Variants in FSTL4 observed in about 807,000 individuals in gnomAD.
FSTL4 encodes follistatin like 4, also known as follistatin-related protein 4.
FSTL4 carries 28 observed loss-of-function variants against 78.2 expected under a neutral mutation model. The observed-to-expected ratio is 0.36, with a 90% CI of 0.27 to 0.49. FSTL4 has a LOEUF of 0.49. Among genes scored for constraint, FSTL4 ranks in the 20% least tolerant of loss-of-function variants. The pLI is 0.98. For synonymous variants in FSTL4, 422 were observed against 440.5 expected (o/e 0.96, Z 0.53); for missense variants, 922 against 1,084.9 (o/e 0.85, Z 2.11).
At chr5:133,263,696 T>C (rs1306224630) in intron 6 of FSTL4, among the ~76,000 whole-genome samples, 1 of 152,000 alleles carries the variant, frequency 6.6e-6, no homozygotes, top group Non-Finnish European at 1.5e-5. Flanking sequence ...AGCAGAGAAA[T>C]GGGATGGTAG....
intron 6 of FSTL4, among the ~76,000 whole-genome samples, chr5:133,285,914 CT>C (rs1032175380): frequency 1.3e-5 from 2 of 152,248 alleles, no homozygotes; most frequent in African/African-American, 2.4e-5. Context: ...GGGTTGACCA[CT>C]TGCCCAGAGC....
intron 3 of FSTL4, among the ~76,000 whole-genome samples, chr5:133,514,892 T>C (rs1021187978): frequency 1.2e-4 from 19 of 152,222 alleles, no homozygotes; most frequent in African/African-American, 1.9e-4. Context: ...TTAGGAAGTA[T>C]AATAAGGAAG....
chr5:133,830,243 C>T, the FSTL4 span, among the ~76,000 whole-genome samples: 66,018 of 152,094 alleles, frequency 0.43, 14,638 homozygotes, highest in Non-Finnish European at 0.5. Context: ...TCTGGAGCTG[C>T]CTCAGTGATG....
chr5:133,274,523 C>T (rs1752837067), intron 6 of FSTL4, among the ~76,000 whole-genome samples: 1 of 151,916 alleles, frequency 6.6e-6, no homozygotes, highest in Admixed American at 6.6e-5. Context: ...TAAGAGGTTT[C>T]AAGAAGACAG....
At chr5:133,569,984 C>T (rs1403344392) in intron 2 of FSTL4, among the ~76,000 whole-genome samples, 2 of 151,786 alleles carry the variant, frequency 1.3e-5, no homozygotes, top group South Asian at 2.1e-4. Flanking sequence ...CTGAGGCGGG[C>T]GGATCATGAG....
the FSTL4 span, among the ~76,000 whole-genome samples, chr5:133,781,043 G>A: frequency 4.6e-5 from 7 of 152,254 alleles, no homozygotes; most frequent in South Asian, 2.1e-4. Context: ...GTGACTTTAC[G>A]GGCAGCATGC....
chr5:133,220,940 CA>C, intron 11 of FSTL4, 74 bp from the exon 12 acceptor site: 1 of 875,860 alleles, frequency 1.1e-6, no homozygotes, highest in Non-Finnish European at 2.0e-6. Context: ...CAGCATTGAA[CA>C]CACAAGAAAC....
intron 3 of FSTL4, among the ~76,000 whole-genome samples, chr5:133,531,738 T>C (rs1759258064): frequency 6.6e-6 from 1 of 152,208 alleles, no homozygotes; most frequent in African/African-American, 2.4e-5. Context: ...ACAGGTTTGG[T>C]GATAGGGCGG....
chr5:133,567,567 C>T (rs994233170), intron 2 of FSTL4, among the ~76,000 whole-genome samples: 8 of 152,196 alleles, frequency 5.3e-5, no homozygotes, highest in Admixed American at 2.0e-4. Context: ...ACTGTAGGTG[C>T]TTTTAGGGAC....
the FSTL4 span, among the ~76,000 whole-genome samples, chr5:133,672,909 C>T: frequency 0.068 from 10,421 of 152,230 alleles, 536 homozygotes; most frequent in African/African-American, 0.15. Flanking sequence ...GTGCCCAAGA[C>T]GGTCAGGGCA....
intron 2 of FSTL4, among the ~76,000 whole-genome samples, chr5:133,578,835 G>A (rs772569910): frequency 3.9e-5 from 6 of 152,030 alleles, no homozygotes; most frequent in African/African-American, 1.2e-4. Context: ...AAACATAATC[G>A]CCTGCACACA....
intron 2 of FSTL4, among the ~76,000 whole-genome samples, chr5:133,572,001 C>T (rs1760165752): frequency 6.6e-6 from 1 of 152,286 alleles, no homozygotes; most frequent in East Asian, 1.9e-4. Context: ...CTTGTTGATA[C>T]TTTTCCAAAA....
the FSTL4 span, among the ~76,000 whole-genome samples, chr5:133,765,566 G>T: frequency 0.2 from 29,973 of 152,208 alleles, 3,235 homozygotes; most frequent in East Asian, 0.41. Flanking sequence ...GAGCCCAGGG[G>T]ATCAGCAATG....
the FSTL4 span, among the ~76,000 whole-genome samples, chr5:133,638,767 G>C: frequency 6.6e-6 from 1 of 151,466 alleles, no homozygotes; most frequent in African/African-American, 2.4e-5. Flanking sequence ...TAAGCTCCAC[G>C]AGGGCTGGAC....
chr5:133,762,246 C>A, the FSTL4 span, among the ~76,000 whole-genome samples: 1 of 152,152 alleles, frequency 6.6e-6, no homozygotes, highest in Non-Finnish European at 1.5e-5. Context: ...GCCTCTAGAC[C>A]TGAGCACCCC....
the FSTL4 span, among the ~76,000 whole-genome samples, chr5:133,749,483 C>T: frequency 1.3e-5 from 2 of 152,230 alleles, no homozygotes; most frequent in African/African-American, 4.8e-5. Flanking sequence ...TTTGCTCCCG[C>T]AGCTGAACCC....
chr5:133,395,028 C>A (rs1755971963), intron 4 of FSTL4, among the ~76,000 whole-genome samples: 1 of 152,108 alleles, frequency 6.6e-6, no homozygotes, highest in Non-Finnish European at 1.5e-5. Context: ...ATTGTAAACA[C>A]ACCAATCAGC....
intron 3 of FSTL4, among the ~76,000 whole-genome samples, chr5:133,464,663 A>T (rs961737050): frequency 5.9e-5 from 9 of 152,178 alleles, no homozygotes; most frequent in African/African-American, 1.9e-4. Flanking sequence ...GGAGGGAGAA[A>T]GCTGCTGCAA....
chr5:133,580,533 T>C (rs1278160086), intron 2 of FSTL4, among the ~76,000 whole-genome samples: 1 of 152,142 alleles, frequency 6.6e-6, no homozygotes, highest in Non-Finnish European at 1.5e-5. Flanking sequence ...AGAGAATATC[T>C]CATGCTAAGA....
Sources: allele counts gnomAD v4.1 joint callset (sites outside exome capture counted in the v4.1 genomes callset), GRCh38; gene constraint gnomAD v4.1.1; transcripts MANE v1.5; gene names NCBI Gene and HGNC (gene_info 2026-07-23, HGNC 2026-07-21).